SEMA3D: variants seen among roughly 807,000 people sequenced by gnomAD.
SEMA3D encodes semaphorin 3D.
In SEMA3D, 84 loss-of-function variants were observed where a neutral mutation model predicts 100.1. The ratio of observed to expected loss-of-function variants is 0.84; its 90% CI spans 0.70 to 1.01. The LOEUF is 1.01. Among genes scored for constraint, SEMA3D ranks in the 50% least tolerant of loss-of-function variants. SEMA3D has a pLI of 0.00. For synonymous variants in SEMA3D, 312 were observed against 320.7 expected (o/e 0.97, Z 0.29); for missense variants, 875 against 934.1 (o/e 0.94, Z 0.82).
At chr7:85,210,803 T>C in the SEMA3D span, among the ~76,000 whole-genome samples, 6 of 152,166 alleles carry the variant, frequency 3.9e-5, no homozygotes, top group African/African-American at 1.4e-4. Context: ...CTCAACACCA[T>C]TAGATGTAAG....
chr7:85,128,199 A>T (rs1789620673), intron 2 of SEMA3D, among the ~76,000 whole-genome samples: 1 of 151,708 alleles, frequency 6.6e-6, no homozygotes, highest in South Asian at 2.1e-4. Flanking sequence ...GCAGAGTCTC[A>T]CTCTGTCAAC....
At chr7:85,016,803 T>TTTTTA (rs1790116602) in intron 15 of SEMA3D, among the ~76,000 whole-genome samples, 1 of 149,938 alleles carries the variant, frequency 6.7e-6, no homozygotes, top group African/African-American at 2.4e-5. Context: ...TTTTTTTTTT[T>TTTTTA]GAGCCAGGTT....
intron 17 of SEMA3D, among the ~76,000 whole-genome samples, chr7:85,011,155 A>G (rs755962069): frequency 6.6e-6 from 1 of 151,836 alleles, no homozygotes; most frequent in Non-Finnish European, 1.5e-5. Context: ...AGCTCACAAA[A>G]TTTCAAAATT....
chr7:85,191,916 C>G (rs1791700183), upstream of SEMA3D, among the ~76,000 whole-genome samples: 2 of 151,998 alleles, frequency 1.3e-5, no homozygotes, highest in Non-Finnish European at 2.9e-5. Context: ...AGACTTAAAC[C>G]ATCAGTTTCC....
chr7:85,231,436 C>CTTTTTTTT, the SEMA3D span, among the ~76,000 whole-genome samples: 1 of 117,872 alleles, frequency 8.5e-6, no homozygotes, highest in African/African-American at 3.4e-5. Context: ...CAATCTTTCC[C>CTTTTTTTT]TTTTTTTTTT....
the SEMA3D span, among the ~76,000 whole-genome samples, chr7:85,242,762 A>G: frequency 6.6e-6 from 1 of 152,142 alleles, no homozygotes; most frequent in Admixed American, 6.6e-5. Context: ...TTCTTTGATT[A>G]TTAACCAAAT....
chr7:85,124,199 C>T (rs183429100), intron 2 of SEMA3D, among the ~76,000 whole-genome samples: 2 of 152,140 alleles, frequency 1.3e-5, no homozygotes, highest in Admixed American at 6.6e-5. Context: ...ATCATTCAAT[C>T]TCAATGCATT....
chr7:85,074,704 C>T (rs1252154410), intron 5 of SEMA3D, among the ~76,000 whole-genome samples: 1 of 151,796 alleles, frequency 6.6e-6, no homozygotes, highest in Admixed American at 6.6e-5. Flanking sequence ...GCAGCCTCCG[C>T]TTCCCAGGCC....
intron 1 of SEMA3D, among the ~76,000 whole-genome samples, chr7:85,178,330 CAGA>C: frequency 6.6e-6 from 1 of 152,134 alleles, no homozygotes; most frequent in Non-Finnish European, 1.5e-5. Flanking sequence ...GTGAAGGGCT[CAGA>C]AGAAGACAGG....
intron 17 of SEMA3D, 121 bp downstream of exon 17, chr7:85,012,661 T>G: frequency 1.5e-6 from 1 of 680,872 alleles, no homozygotes; most frequent in South Asian, 1.9e-5. Flanking sequence ...CCAGAACACA[T>G]GCATTACACA....
the SEMA3D span, among the ~76,000 whole-genome samples, chr7:85,250,206 C>T: frequency 1.5e-4 from 21 of 143,786 alleles, no homozygotes; most frequent in Admixed American, 1.3e-3. Context: ...GCACCTGGCT[C>T]GGAGGGTCCT....
chr7:85,171,693 GT>G (rs1438190598), intron 1 of SEMA3D, among the ~76,000 whole-genome samples: 1 of 151,710 alleles, frequency 6.6e-6, no homozygotes, highest in Non-Finnish European at 1.5e-5. Context: ...AATTAATATT[GT>G]TTATCTCATT....
At chr7:85,125,123 T>C (rs906288674) in intron 2 of SEMA3D, among the ~76,000 whole-genome samples, 1 of 152,100 alleles carries the variant, frequency 6.6e-6, no homozygotes, top group South Asian at 2.1e-4. Context: ...ATATTGAATT[T>C]CTCATTACAC....
At chr7:85,006,725 C>G in intron 18 of SEMA3D, 77 bp downstream of exon 18, 2 of 1,186,996 alleles carry the variant, frequency 1.7e-6, no homozygotes, top group Non-Finnish European at 2.3e-6. Flanking sequence ...GAGTAGCATA[C>G]AGAATTAAAA....
intron 12 of SEMA3D, chr7:85,028,109 G>T: frequency 1.6e-6 from 1 of 633,532 alleles, no homozygotes. Flanking sequence ...CTTTCACGGT[G>T]GTAAATGATG....
chr7:85,169,648 T>G (rs1791029761), intron 1 of SEMA3D, among the ~76,000 whole-genome samples: 1 of 151,856 alleles, frequency 6.6e-6, no homozygotes. Flanking sequence ...TCTTTCTGAT[T>G]CTAACAAAAA....
chr7:85,139,530 G>A (rs563235306), intron 2 of SEMA3D, among the ~76,000 whole-genome samples: 2 of 151,750 alleles, frequency 1.3e-5, no homozygotes, highest in Non-Finnish European at 2.9e-5. Context: ...TTTTCACAAA[G>A]GGACTACAGA....
the SEMA3D span, among the ~76,000 whole-genome samples, chr7:85,209,057 A>G: frequency 0.01 from 1,523 of 152,108 alleles, 25 homozygotes; most frequent in African/African-American, 0.035. Context: ...TTCCAAGTTA[A>G]TAAGTAGAAA....
the SEMA3D span, among the ~76,000 whole-genome samples, chr7:85,203,094 T>A: frequency 6.6e-6 from 1 of 152,172 alleles, no homozygotes; most frequent in Non-Finnish European, 1.5e-5. Flanking sequence ...TTTCAGCAGT[T>A]CTCCTCATAT....
Sources: gnomAD v4.1 joint callset for allele counts (sites outside exome capture counted in the v4.1 genomes callset) on GRCh38, gnomAD v4.1.1 for gene constraint, MANE v1.5 for transcripts, NCBI Gene and HGNC (gene_info 2026-07-23, HGNC 2026-07-21) for gene names.